The following RPS6KA2 variants were observed in gnomAD, a reference collection of about 807,000 sequenced individuals.
RPS6KA2 encodes the protein ribosomal protein S6 kinase alpha-2.
RPS6KA2 carries 42 observed loss-of-function variants against 91.8 expected under a neutral mutation model. That is an observed-to-expected ratio of 0.46 (90% CI 0.36 to 0.59). RPS6KA2 has a LOEUF of 0.59. Ranked by LOEUF, RPS6KA2 falls within the 20% of genes least tolerant of loss-of-function variation. RPS6KA2 has a pLI of 0.00. For synonymous variants in RPS6KA2, 414 were observed against 393.6 expected, an observed-to-expected ratio of 1.05 and a Z score of -0.61; for missense variants, 798 against 978.5, an observed-to-expected ratio of 0.82 and a Z score of 2.46.
At chr6:166,454,373 C>T (rs1174972801) in intron 12 of RPS6KA2, among the ~76,000 whole-genome samples, 1 of 152,096 alleles carries the variant, frequency 6.6e-6, no homozygotes, top group Non-Finnish European at 1.5e-5. Flanking sequence ...TGGCGCACGC[C>T]TGTAATCCCA....
At chr6:166,777,091 T>C (rs1041332550) in intron 2 of RPS6KA2, among the ~76,000 whole-genome samples, 1 of 152,046 alleles carries the variant, frequency 6.6e-6, no homozygotes, top group East Asian at 1.9e-4. Context: ...GGAAGGAGGA[T>C]GGGGCGGCTG....
intron 1 of RPS6KA2, among the ~76,000 whole-genome samples, chr6:166,585,140 C>A (rs1266285131): frequency 6.6e-6 from 1 of 152,208 alleles, no homozygotes; most frequent in African/African-American, 2.4e-5. Context: ...ATAAGTAACA[C>A]ATTTTTCCTT....
At chr6:166,485,646 T>C (rs1464189229) in intron 10 of RPS6KA2, among the ~76,000 whole-genome samples, 1 of 152,160 alleles carries the variant, frequency 6.6e-6, no homozygotes, top group East Asian at 1.9e-4. Flanking sequence ...GCTTCTCAAC[T>C]TGCATCTGTC....
At chr6:166,824,709 GTGTGTCTGTGTGTATGTC>G (rs1452159433) in intron 2 of RPS6KA2, among the ~76,000 whole-genome samples, 1 of 142,898 alleles carries the variant, frequency 7.0e-6, no homozygotes, top group Non-Finnish European at 1.5e-5. Flanking sequence ...GTCTGTGTGT[GTGTGTCTGTGTGTATGTC>G]TGTGTCTGTG....
intron 2 of RPS6KA2, among the ~76,000 whole-genome samples, chr6:166,851,199 T>A (rs1412758945): frequency 1.3e-5 from 2 of 152,134 alleles, no homozygotes; most frequent in African/African-American, 4.8e-5. Flanking sequence ...GGGTTGTTAT[T>A]TCACAGCCAG....
chr6:166,800,571 C>T (rs1198199386), intron 2 of RPS6KA2, among the ~76,000 whole-genome samples: 2 of 152,278 alleles, frequency 1.3e-5, no homozygotes, highest in East Asian at 1.9e-4. Flanking sequence ...CTCTGGAGGA[C>T]GCAGCAACAG....
At chr6:166,415,094 T>C (rs1007003640) in intron 19 of RPS6KA2, among the ~76,000 whole-genome samples, 1 of 152,284 alleles carries the variant, frequency 6.6e-6, no homozygotes, top group Middle Eastern at 3.4e-3. Flanking sequence ...AAAGAATGCA[T>C]ATAGAATGTG....
chr6:166,792,741 C>T (rs1779124253), intron 2 of RPS6KA2, among the ~76,000 whole-genome samples: 1 of 152,102 alleles, frequency 6.6e-6, no homozygotes. Context: ...TAAACAGAAC[C>T]AATGACAAAA....
chr6:166,606,160 G>A (rs3799580), intron 1 of RPS6KA2, among the ~76,000 whole-genome samples: 1 of 152,122 alleles, frequency 6.6e-6, no homozygotes, highest in South Asian at 2.1e-4. Flanking sequence ...AAATAAAATG[G>A]TGCACACCAT....
chr6:166,452,692 CTT>C (rs1448028073), intron 12 of RPS6KA2, among the ~76,000 whole-genome samples: 2 of 152,050 alleles, frequency 1.3e-5, no homozygotes, highest in African/African-American at 4.8e-5. Flanking sequence ...TCAACAAAAA[CTT>C]TGTGGGGAAA....
intron 10 of RPS6KA2, among the ~76,000 whole-genome samples, chr6:166,480,479 TTATATATATATATATATATA>T (rs3066214): frequency 1.2e-4 from 12 of 99,860 alleles, no homozygotes; most frequent in Admixed American, 6.7e-4. Flanking sequence ...GATTGTGATT[TTATATATATATATATATATA>T]TATATATATA....
At chr6:166,436,941 T>C (rs75499976) in intron 14 of RPS6KA2, among the ~76,000 whole-genome samples, 2,248 of 152,246 alleles carry the variant, frequency 0.015, 54 homozygotes, top group African/African-American at 0.05. Flanking sequence ...TGAGATGAAG[T>C]GGCAAGGCAG....
At chr6:166,530,873 C>T (rs1356126441) in intron 3 of RPS6KA2, among the ~76,000 whole-genome samples, 1 of 152,246 alleles carries the variant, frequency 6.6e-6, no homozygotes, top group African/African-American at 2.4e-5. Context: ...GTATTTAAAA[C>T]CGAGTGAGGC....
chr6:166,694,446 T>C (rs1396614684), intron 2 of RPS6KA2, among the ~76,000 whole-genome samples: 1 of 152,240 alleles, frequency 6.6e-6, no homozygotes, highest in African/African-American at 2.4e-5. Flanking sequence ...GATTCTTGAT[T>C]CCTTAACTAA....
intron 1 of RPS6KA2, among the ~76,000 whole-genome samples, chr6:166,578,205 C>G (rs1336649212): frequency 6.6e-6 from 1 of 152,180 alleles, no homozygotes; most frequent in African/African-American, 2.4e-5. Flanking sequence ...TCCTGACCCT[C>G]AAGATGCTGG....
At chr6:166,682,477 G>A (rs1271566523) in intron 2 of RPS6KA2, among the ~76,000 whole-genome samples, 1 of 152,188 alleles carries the variant, frequency 6.6e-6, no homozygotes. Context: ...CATAGAGAGG[G>A]TGAGACAGCC....
chr6:166,538,886 C>G (rs1783566845), intron 1 of RPS6KA2, 102 bp from the exon 2 acceptor site: 2 of 625,724 alleles, frequency 3.2e-6, no homozygotes, highest in African/African-American at 3.6e-5. Flanking sequence ...GGGTCTGTTA[C>G]AGATTTTAGC....
chr6:166,700,804 T>C (rs532260979), intron 2 of RPS6KA2, among the ~76,000 whole-genome samples: 1 of 152,310 alleles, frequency 6.6e-6, no homozygotes, highest in South Asian at 2.1e-4. Flanking sequence ...TTAGAATATC[T>C]GTTATACTGT....
At chr6:166,462,399 C>G (rs1431172751) in intron 11 of RPS6KA2, among the ~76,000 whole-genome samples, 1 of 152,230 alleles carries the variant, frequency 6.6e-6, no homozygotes, top group Non-Finnish European at 1.5e-5. Context: ...CTGTGACCAC[C>G]CTGCCTCTGG....
Sources: allele counts gnomAD v4.1 joint callset (sites outside exome capture counted in the v4.1 genomes callset), GRCh38; gene constraint gnomAD v4.1.1; transcripts MANE v1.5; gene names NCBI Gene and HGNC (gene_info 2026-07-23, HGNC 2026-07-21).